RTEL1: variants seen among roughly 807,000 people sequenced by gnomAD.
RTEL1 encodes the protein regulator of telomere elongation helicase 1.
In RTEL1, 86 loss-of-function variants were observed where a neutral mutation model predicts 162.2. The ratio of observed to expected loss-of-function variants is 0.53; its 90% confidence interval spans 0.45 to 0.63. RTEL1 has a LOEUF of 0.63. Among genes scored for constraint, RTEL1 ranks in the 30% least tolerant of loss-of-function variants. The pLI is 0.00. For missense variants in RTEL1, 1,941 were observed against 1,750.2 expected, an observed-to-expected ratio of 1.11 and a Z score of -1.95; for synonymous variants, 958 against 717.9, an observed-to-expected ratio of 1.33 and a Z score of -5.35.
At chr20:63,695,683 T>C in intron 34 of RTEL1, 33 bp downstream of exon 34, 2 of 1,610,184 alleles carry the variant, frequency 1.2e-6, no homozygotes, top group Non-Finnish European at 1.7e-6. Flanking sequence ...TCCTGCTGGG[T>C]GTAGCCCCAG....
rs1178425872 is a variant in RTEL1 at position 63,688,196 on chromosome 20, C to T, written c.1636+17C>T. The T allele has an allele frequency of 2.5e-6, 4 of 1,611,302 alleles. No homozygotes were observed. Among genetic ancestry groups the T allele is most frequent in the Non-Finnish European group, 3.4e-6 (4 of 1,179,868 alleles). On this transcript the variant is annotated intron_variant, in intron 19 of 34. Transcript: ENST00000360203. ...AGGCTCTGGGTGAGTGCCCTGAATG[C>T]CCCAGCTGTGCCCATCCTGGATCCT...
At chr20:63,680,900 G>T (rs2090465474) in intron 14 of RTEL1, 181 bp downstream of exon 14, 1 of 983,752 alleles carries the variant, frequency 1.0e-6, no homozygotes, top group South Asian at 4.7e-5. Flanking sequence ...TGGGCCTCCT[G>T]CAGGGATGGG....
intron 14 of RTEL1, chr20:63,681,023 G>A (rs569012295): frequency 8.3e-5 from 82 of 985,408 alleles, no homozygotes; most frequent in Non-Finnish European, 9.6e-5. Flanking sequence ...AGGCCAGGGG[G>A]GACCCACTGC....
intron 28 of RTEL1, 109 bp from the exon 29 acceptor site, chr20:63,692,696 C>T (rs564954320): frequency 2.2e-4 from 236 of 1,077,626 alleles, no homozygotes; most frequent in African/African-American, 4.2e-4. Context: ...AGCCCCACCT[C>T]GGCAGTCACT....
Position 63,661,253 on chromosome 20 carries a change from C to A in RTEL1, c.103-45C>A. ...TCTCAGGGCAGCTTGTGTGGCCTCG[C>A]CTCTTCCTGGCTTCCCCGTAACCCT... On this transcript the variant is annotated intron_variant, in intron 2 of 34. Coordinates refer to ENST00000360203, the MANE Select transcript of RTEL1 (RefSeq NM_001283009.2). The surrounding 1 kb of genome is among the most constrained non-coding windows in gnomAD (Gnocchi z 5.1). 1 of 1,578,626 alleles carries A rather than the reference C, an allele frequency of 6.3e-7. No individual in the cohort carries two copies. Among genetic ancestry groups the A allele is most frequent in the Non-Finnish European group, 8.7e-7 (1 of 1,153,898 alleles).
At chr20:63,685,258 G>A (rs1388901577) in intron 14 of RTEL1, among the ~76,000 whole-genome samples, 2 of 152,114 alleles carry the variant, frequency 1.3e-5, no homozygotes, top group East Asian at 3.9e-4. Context: ...TTGGCGGGAG[G>A]AGAGGCCCCT....
chr20:63,659,579 C>T (rs1237110963), intron 2 of RTEL1, 75 bp downstream of exon 2: 3 of 1,141,732 alleles, frequency 2.6e-6, no homozygotes, highest in Admixed American at 1.8e-5. Flanking sequence ...TTCCCTCTCC[C>T]GGCCCATTCC....
chr20:63,669,584 C>A (rs1343895898), intron 8 of RTEL1, among the ~76,000 whole-genome samples: 8 of 152,242 alleles, frequency 5.3e-5, no homozygotes, highest in African/African-American at 1.9e-4. Flanking sequence ...ATGTAAAATT[C>A]TCCCATAACT....
At chr20:63,683,749 G>C (rs1221292029) in intron 14 of RTEL1, among the ~76,000 whole-genome samples, 1 of 152,126 alleles carries the variant, frequency 6.6e-6, no homozygotes, top group African/African-American at 2.4e-5. Context: ...TTCCTGTTCT[G>C]GCCGTTTTTG....
chr20:63,679,777 C>T, intron 12 of RTEL1, 72 bp from the exon 13 acceptor site: 1 of 1,208,878 alleles, frequency 8.3e-7, no homozygotes, highest in Non-Finnish European at 1.2e-6. Context: ...AGCCTGCCTT[C>T]TTCTCCTCAG....
chr20:63,671,360 G>C (rs1419703529), intron 8 of RTEL1, among the ~76,000 whole-genome samples: 1 of 152,020 alleles, frequency 6.6e-6, no homozygotes, highest in Non-Finnish European at 1.5e-5. Context: ...CACCCGGCTG[G>C]ACCTACTGTT....
chr20:63,685,417 C>A (rs1049819496), intron 14 of RTEL1, 106 bp from the exon 15 acceptor site: 2 of 1,155,174 alleles, frequency 1.7e-6, no homozygotes, highest in Non-Finnish European at 2.5e-6. Flanking sequence ...GGCCGGTGAA[C>A]CGATGACCCC....
intron 14 of RTEL1, among the ~76,000 whole-genome samples, chr20:63,682,974 GT>G (rs1315501982): frequency 1.3e-5 from 2 of 152,076 alleles, no homozygotes; most frequent in African/African-American, 4.8e-5. Context: ...TTGTGGTGGT[GT>G]TTTTTTGAGA....
intron 30 of RTEL1, 55 bp downstream of exon 30, chr20:63,693,338 CCA>C (rs1470838776): frequency 3.7e-6 from 6 of 1,601,666 alleles, no homozygotes; most frequent in Non-Finnish European, 5.1e-6. Context: ...GCAGTGTGGG[CCA>C]GAGTCCTGGG....
In RTEL1 at chr20:63,658,372, T is replaced by A. The variant is rs984015545; in HGVS notation, c.-265T>A. Reference sequence around the variant, plus strand: ...CTGCCCGCGAAAACTCTGAGCTGGCTGACAGCTGGGGACGGGTGGCGGCCC... The same window carrying A: ...CTGCCCGCGAAAACTCTGAGCTGGCAGACAGCTGGGGACGGGTGGCGGCCC... On this transcript the variant is annotated 5_prime_UTR_variant, in exon 1 of 35. Transcript: ENST00000360203. 1.3e-5 allele frequency: 2 copies of A among 152,458 alleles called. No individual in the cohort carries two copies. 9.4% of individuals were successfully genotyped at this position (152,458 alleles called of 1,614,324 possible). A position where few individuals can be genotyped will look rare whatever the true frequency, so the allele number is the denominator to read the frequency against.
At position 63,667,510 on chromosome 20, in the gene RTEL1, C is replaced by T. The variant is rs1215252604; in HGVS notation, c.656C>T (p.Ala219Val). The change falls in exon 8 of 35, where the codon GCC becomes GTC. Residue 219 changes from alanine to valine, a missense_variant. By Grantham distance (64) the Ala-to-Val change is moderately conservative (BLOSUM62 0). Transcript: ENST00000360203. The part of the protein sequence containing the change: ...YYLSRNLKQQ[A>V]DIIFMPYNYL... ...CTGTCCCGGAACCTGAAGCAGCAAGCCGACATCATATTCATGCCGTACAAT... is the reference window on the plus strand; with the variant it reads ...CTGTCCCGGAACCTGAAGCAGCAAGTCGACATCATATTCATGCCGTACAAT... The T allele has an allele frequency of 6.2e-7, 1 of 1,614,024 alleles. No homozygotes were observed. The highest frequency in any genetic ancestry group is 1.3e-5 in the African/African-American group (1 of 75,042).
chr20:63,681,398 G>A, intron 14 of RTEL1: 2 of 985,332 alleles, frequency 2.0e-6, no homozygotes, highest in Non-Finnish European at 1.2e-6. Context: ...CCCTGACTGG[G>A]GAAGCCAAGG....
At position 63,690,529 on chromosome 20, in the gene RTEL1, C is replaced by T. The variant is rs1049137227; in HGVS notation, c.2413+88C>T. The stretch of plus-strand genomic sequence containing the variant: ...CAGCACCAGGCGCCCAGGGCGGAGG[C>T]GACTCACCTGGCTTTGTGCGCTTCC... On this transcript the variant is annotated intron_variant, in intron 26 of 34. Transcript: ENST00000360203. The T allele has an allele frequency of 6.0e-5, 85 of 1,415,032 alleles. 1 individual carries two copies. Among genetic ancestry groups the T allele is most frequent in the South Asian group, 5.2e-4 (36 of 69,284 alleles). The allele number at this position is 1,415,032 out of a possible 1,614,324, so 87.7% of individuals were successfully genotyped here. A position where few individuals can be genotyped will look rare whatever the true frequency, so the allele number is the denominator to read the frequency against.
chr20:63,688,994 C>A, intron 21 of RTEL1, 61 bp from the exon 22 acceptor site: 2 of 1,450,120 alleles, frequency 1.4e-6, no homozygotes, highest in Non-Finnish European at 1.9e-6. Context: ...GGGTCTCCCT[C>A]ATGGGGGAGG....
Sources: allele counts gnomAD v4.1 joint callset (sites outside exome capture counted in the v4.1 genomes callset), GRCh38; gene constraint gnomAD v4.1.1; non-coding constraint Gnocchi (gnomAD v3.1); transcripts MANE v1.5; gene names NCBI Gene and HGNC (gene_info 2026-07-23, HGNC 2026-07-21).